Variants in SCLT1 observed in about 807,000 individuals in gnomAD.
The protein encoded by SCLT1 is sodium channel and clathrin linker 1.
SCLT1 carries 78 observed loss-of-function variants against 112.8 expected under a neutral mutation model. The ratio of observed to expected loss-of-function variants is 0.69; its 90% CI spans 0.58 to 0.83. The LOEUF is 0.83. Ranked by LOEUF, SCLT1 falls within the 40% of genes least tolerant of loss-of-function variation. The probability of loss-of-function intolerance (pLI) is 0.00; values close to 1 mark genes in which losing one functional copy is unlikely to be tolerated. For synonymous variants in SCLT1, 257 were observed against 254.7 expected (o/e 1.01, Z -0.09); for missense variants, 747 against 770.4 (o/e 0.97, Z 0.36).
At chr4:129,044,842 A>G (rs1748034968) in intron 2 of SCLT1, among the ~76,000 whole-genome samples, 1 of 150,864 alleles carries the variant, frequency 6.6e-6, no homozygotes, top group South Asian at 2.1e-4. Context: ...AAAAAAAAAA[A>G]AGGAAAAGAA....
chr4:129,033,715 C>A (rs369819976), intron 5 of SCLT1, among the ~76,000 whole-genome samples: 1 of 151,796 alleles, frequency 6.6e-6, no homozygotes, highest in Non-Finnish European at 1.5e-5. Context: ...GCAGAAGAAA[C>A]AAGTAAAAGG....
At chr4:128,935,593 G>GATTAAGT (rs888236293) in intron 18 of SCLT1, among the ~76,000 whole-genome samples, 2 of 152,028 alleles carry the variant, frequency 1.3e-5, no homozygotes, top group African/African-American at 4.8e-5. Context: ...TTGCTGTAAA[G>GATTAAGT]ATTAAGTACA....
chr4:128,946,333 G>A (rs1738161262), intron 15 of SCLT1, among the ~76,000 whole-genome samples, 181 bp from the exon 16 acceptor site: 1 of 152,100 alleles, frequency 6.6e-6, no homozygotes, highest in Non-Finnish European at 1.5e-5. Context: ...AAAATAAAAT[G>A]CTAAAAACTA....
intron 11 of SCLT1, among the ~76,000 whole-genome samples, chr4:128,961,572 C>A (rs539780515): frequency 2.0e-5 from 3 of 152,040 alleles, no homozygotes; most frequent in Admixed American, 1.3e-4. Context: ...TCTCTATTCT[C>A]CCCACTAACC....
At chr4:129,026,846 C>T (rs1746143514) in intron 5 of SCLT1, among the ~76,000 whole-genome samples, 1 of 152,030 alleles carries the variant, frequency 6.6e-6, no homozygotes, top group South Asian at 2.1e-4. Context: ...CAAATAGACG[C>T]AATAAAAAAT....
downstream of SCLT1, among the ~76,000 whole-genome samples, chr4:128,881,532 T>G (rs2125916736): frequency 6.6e-6 from 1 of 152,304 alleles, no homozygotes; most frequent in East Asian, 1.9e-4. Flanking sequence ...TGCCCTAGTT[T>G]GCATATTTGT....
intron 5 of SCLT1, among the ~76,000 whole-genome samples, chr4:129,033,213 C>G (rs1039471292): frequency 2.6e-5 from 4 of 151,886 alleles, no homozygotes; most frequent in Admixed American, 2.6e-4. Context: ...AAGCTGGAAG[C>G]CACCATTCTT....
intron 2 of SCLT1, among the ~76,000 whole-genome samples, chr4:129,072,655 T>A (rs1312267714): frequency 7.2e-6 from 1 of 139,104 alleles, no homozygotes; most frequent in Non-Finnish European, 1.6e-5. Context: ...GAATTTTTTA[T>A]TGTTTTTTTC....
intron 18 of SCLT1, among the ~76,000 whole-genome samples, chr4:128,908,929 T>C (rs574439260): frequency 1.2e-4 from 18 of 152,282 alleles, no homozygotes; most frequent in Admixed American, 8.5e-4. Flanking sequence ...TAAACCTTTG[T>C]TTTGTTTAGT....
intron 20 of SCLT1, among the ~76,000 whole-genome samples, 169 bp from the exon 21 acceptor site, chr4:128,884,708 T>G (rs530899743): frequency 6.6e-6 from 1 of 152,338 alleles, no homozygotes; most frequent in Admixed American, 6.5e-5. Context: ...TTGCCCAGGC[T>G]GGAGTACAGT....
At chr4:128,930,274 G>C (rs1736652823) in intron 18 of SCLT1, among the ~76,000 whole-genome samples, 1 of 152,120 alleles carries the variant, frequency 6.6e-6, no homozygotes, top group Admixed American at 6.5e-5. Context: ...TAGGAAGTGA[G>C]GTATCTGGCC....
chr4:128,914,051 G>A (rs1735289271), intron 18 of SCLT1, among the ~76,000 whole-genome samples: 2 of 152,170 alleles, frequency 1.3e-5, no homozygotes, highest in African/African-American at 4.8e-5. Context: ...TGGGCGATTT[G>A]GATATCATTT....
intron 5 of SCLT1, among the ~76,000 whole-genome samples, chr4:129,013,290 T>C (rs999297257): frequency 4.6e-5 from 7 of 152,212 alleles, no homozygotes; most frequent in African/African-American, 1.7e-4. Flanking sequence ...GCCTTTTAAT[T>C]GAGGCATTTA....
intron 5 of SCLT1, among the ~76,000 whole-genome samples, chr4:129,004,473 T>C (rs555155544): frequency 1.1e-3 from 173 of 152,006 alleles, no homozygotes; most frequent in African/African-American, 4.0e-3. Context: ...AACATTAAGG[T>C]AAATTACAGA....
At chr4:129,075,198 T>G (rs543490680) in intron 2 of SCLT1, among the ~76,000 whole-genome samples, 1 of 152,300 alleles carries the variant, frequency 6.6e-6, no homozygotes, top group East Asian at 1.9e-4. Context: ...CTCTAATAAA[T>G]ATTGGCTACC....
chr4:128,900,740 A>C (rs1331720384), intron 18 of SCLT1, among the ~76,000 whole-genome samples: 3 of 152,234 alleles, frequency 2.0e-5, no homozygotes, highest in South Asian at 2.1e-4. Context: ...GTGAACAGGC[A>C]ACCTACAGAA....
At chr4:128,990,788 A>G (rs1579617216) in intron 9 of SCLT1, among the ~76,000 whole-genome samples, 1 of 151,746 alleles carries the variant, frequency 6.6e-6, no homozygotes, top group East Asian at 1.9e-4. Flanking sequence ...CCATATGCCA[A>G]CTGAACAGTC....
chr4:128,899,725 A>C (rs1357642382), intron 18 of SCLT1, among the ~76,000 whole-genome samples: 5 of 152,206 alleles, frequency 3.3e-5, no homozygotes, highest in Admixed American at 6.5e-5. Flanking sequence ...GGAAAAGAGG[A>C]AGTCAAATTG....
intron 4 of SCLT1, chr4:129,040,149 G>A: frequency 1.4e-6 from 1 of 702,480 alleles, no homozygotes. Flanking sequence ...TAGGAGATCA[G>A]AATAGCAAAT....
Sources: gnomAD v4.1 joint callset for allele counts (sites outside exome capture counted in the v4.1 genomes callset) on GRCh38, gnomAD v4.1.1 for gene constraint, MANE v1.5 for transcripts, NCBI Gene and HGNC (gene_info 2026-07-23, HGNC 2026-07-21) for gene names.